Variants in DNAH2 observed in about 807,000 individuals in gnomAD.
DNAH2 encodes the protein dynein axonemal heavy chain 2.
In DNAH2, 323 loss-of-function variants were observed where a neutral mutation model predicts 523.5. That is an observed-to-expected ratio of 0.62 (90% confidence interval 0.56 to 0.68). The LOEUF is 0.68. Ranked by LOEUF, DNAH2 falls within the 30% of genes least tolerant of loss-of-function variation. DNAH2 has a pLI of 0.00. For synonymous variants in DNAH2, 2,093 were observed against 2,177.4 expected (o/e 0.96, Z 1.08); for missense variants, 4,907 against 5,701.5 (o/e 0.86, Z 4.49).
chr17:7,817,762 T>C (rs1158841540), intron 66 of DNAH2, 28 bp from the exon 67 acceptor site: 1 of 1,613,918 alleles, frequency 6.2e-7, no homozygotes, highest in East Asian at 2.2e-5. Flanking sequence ...AGAGAGGGCC[T>C]CACCTCTGAC....
chr17:7,769,638 CTT>C (rs2076262574), intron 24 of DNAH2, among the ~76,000 whole-genome samples: 1 of 152,152 alleles, frequency 6.6e-6, no homozygotes, highest in African/African-American at 2.4e-5. Flanking sequence ...AGGTTTAACT[CTT>C]TTAATTCATC....
rs1299212818 is a variant in DNAH2, at chr17:7,723,624, C to T, written c.167-4C>T. 1 of 1,613,636 alleles carries T rather than the reference C, an allele frequency of 6.2e-7. No homozygotes were observed. Reference sequence around the variant, plus strand: ...CTTCCTTTTTGTATGTTTATTCTTCCTAGAGCCACGGTTGGAGGGACCTCA... The same window carrying T: ...CTTCCTTTTTGTATGTTTATTCTTCTTAGAGCCACGGTTGGAGGGACCTCA... On this transcript the variant is annotated splice_region_variant and splice_polypyrimidine_tract_variant and intron_variant, in intron 2 of 85. Coordinates refer to ENST00000572933, the MANE Select transcript of DNAH2 (RefSeq NM_020877.5).
At position 7,792,316 on chromosome 17, in the gene DNAH2, T is replaced by A; in HGVS notation, c.7118T>A (p.Leu2373His). 1 of 1,614,004 alleles carries A rather than the reference T, an allele frequency of 6.2e-7. No homozygotes were observed. The highest frequency in any genetic ancestry group is 1.1e-5 in the South Asian group (1 of 91,072). Reference protein sequence around the residue: ...IRSWTSFEDKLPKSWRYPPNA... With the variant: ...IRSWTSFEDKHPKSWRYPPNA... ...AGTTGGACATCATTTGAGGACAAGC[T>A]CCCTAAGAGTTGGCGCTACCCTCCA... Residue 2373 changes from leucine (L) to histidine (H), a missense_variant, in exon 46 of 86, where the codon CTC becomes CAC. By Grantham distance (99) the Leu-to-His change is moderately conservative. Around this residue, in one of 3 missense-constraint regions of DNAH2, gnomAD observed 2,806 missense variants for 3,190.8 expected, o/e 0.88. Coordinates refer to ENST00000572933, the MANE Select transcript of DNAH2 (RefSeq NM_020877.5).
intron 6 of DNAH2, 41 bp downstream of exon 6, chr17:7,734,334 G>A (rs1262188710): frequency 8.7e-6 from 14 of 1,606,996 alleles, no homozygotes; most frequent in East Asian, 2.2e-5. Flanking sequence ...GCGATCACAG[G>A]GGAGAGGGAA....
rs770937448 is a variant in DNAH2, at chr17:7,737,170, T to C, written c.1082T>C (p.Leu361Pro). ...AAGCCCAAGGACATCTCTAGCAAGC[T>C]CCCTAAGCTGATCAGTCTCATCCGC... ...FMKPKDISSK[L>P]PKLISLIRII... Residue 361 changes from leucine (L) to proline (P), a missense_variant, in exon 8 of 86, where the codon CTC becomes CCC. By Grantham distance (98) the Leu-to-Pro change is moderately conservative. This residue lies in a region of DNAH2 where 2,806 missense variants were observed against 3,190.8 expected (regional missense o/e 0.88). Coordinates refer to ENST00000572933, the MANE Select transcript of DNAH2 (RefSeq NM_020877.5). The C allele has an allele frequency of 6.2e-7, 1 of 1,614,010 alleles. No individual in the cohort carries two copies. The highest frequency in any genetic ancestry group is 1.7e-5 in the Admixed American group (1 of 60,006).
In DNAH2 at chr17:7,831,683, A is replaced by G; in HGVS notation, c.12634A>G (p.Lys4212Glu). 1.2e-6 allele frequency: 2 copies of G among 1,614,162 alleles called. No homozygotes were observed. The highest frequency in any genetic ancestry group is 1.7e-6 in the Non-Finnish European group (2 of 1,180,014). Residue 4212 changes from lysine (K) to glutamate (E), a missense_variant, in exon 82 of 86, where the codon AAA (lysine) becomes GAA (glutamate). Lys to Glu is a moderately conservative substitution (Grantham distance 56). Transcript: ENST00000572933. The surrounding 1 kb of genome is among the most constrained non-coding windows in gnomAD (Gnocchi z 4.2). ...CAGGTTCTCACTGACAGACCTAGAG[A>G]AAGGCATCCAGGGTCTCATCGTCAT... The part of the protein sequence containing the change: ...TILFSLTDLE[K>E]GIQGLIVMST...
chr17:7,777,371 G>C, intron 32 of DNAH2, 75 bp from the exon 33 acceptor site: 1 of 1,545,784 alleles, frequency 6.5e-7, no homozygotes, highest in Non-Finnish European at 8.9e-7. Flanking sequence ...AAGCGGTGCT[G>C]GGTAGGGGCA....
intron 4 of DNAH2, among the ~76,000 whole-genome samples, chr17:7,730,850 C>T (rs563677943): frequency 1.4e-4 from 22 of 151,832 alleles, no homozygotes; most frequent in African/African-American, 4.8e-4. Context: ...CACGGTGGCT[C>T]ACGCCTGTAA....
chr17:7,818,135 A>G (rs2077736496), intron 68 of DNAH2, 39 bp downstream of exon 68: 1 of 1,607,446 alleles, frequency 6.2e-7, no homozygotes, highest in African/African-American at 1.3e-5. Flanking sequence ...GTGGGATGCT[A>G]GGGAGGGAAG....
Position 7,817,813 on chromosome 17 carries a change from A to G in DNAH2, c.10193A>G (p.Gln3398Arg). Residue 3398 changes from glutamine (Q) to arginine (R), a missense_variant, in exon 67 of 86, where the codon CAG becomes CGG. Gln to Arg is a conservative substitution (Grantham distance 43, BLOSUM62 1). Around this residue, in one of 3 missense-constraint regions of DNAH2, gnomAD observed 1,851 missense variants for 2,139.4 expected, o/e 0.87. Transcript: ENST00000572933. ...AGGTGGGCACTGATGATCGACCCTC[A>G]GGCCCAGGCCCTGAAATGGATTAAG... is the stretch of plus-strand genomic sequence containing the variant. ...GNRWALMIDP[Q>R]AQALKWIKNM... is the part of the protein sequence containing the mutation. The G allele has an allele frequency of 1.2e-6, 2 of 1,614,062 alleles. No homozygotes were observed. Among genetic ancestry groups the G allele is most frequent in the Non-Finnish European group, 1.7e-6 (2 of 1,179,996 alleles).
Position 7,734,454 on chromosome 17 carries a change from G to C in DNAH2, c.740-16G>C, listed in dbSNP as rs969045991. 6.2e-7 allele frequency: 1 copy of C among 1,612,068 alleles called. No homozygotes were observed. Among genetic ancestry groups the C allele is most frequent in the Non-Finnish European group, 8.5e-7 (1 of 1,178,476 alleles). On this transcript the variant is annotated splice_polypyrimidine_tract_variant and intron_variant, in intron 6 of 85. Transcript: ENST00000572933. ...AGTGTGAAGAAACGAAGGAGATTTTGTACTCTCCCCTGCAGCCTCCATGAT... is the reference window on the plus strand; with the variant it reads ...AGTGTGAAGAAACGAAGGAGATTTTCTACTCTCCCCTGCAGCCTCCATGAT...
intron 9 of DNAH2, 135 bp downstream of exon 9, chr17:7,740,073 G>GC (rs386385571): frequency 1.3e-5 from 8 of 616,518 alleles, no homozygotes; most frequent in Admixed American, 5.9e-5. Context: ...GCCCGGGGGG[G>GC]GGGACAGGAG....
At chr17:7,775,733 G>A (rs917345991) in intron 30 of DNAH2, among the ~76,000 whole-genome samples, 2 of 150,446 alleles carry the variant, frequency 1.3e-5, no homozygotes, top group African/African-American at 4.9e-5. Context: ...AAGTTCAACT[G>A]GCTCCATGAG....
At chr17:7,822,305 G>C (rs991860361) in intron 73 of DNAH2, among the ~76,000 whole-genome samples, 8 of 152,022 alleles carry the variant, frequency 5.3e-5, no homozygotes, top group Non-Finnish European at 8.8e-5. Flanking sequence ...CCATTGTGAC[G>C]GGCTCCCCAT....
Position 7,792,259 on chromosome 17 carries a change from T to C in DNAH2, c.7061T>C (p.Val2354Ala), listed in dbSNP as rs565474217. The change falls in exon 46 of 86, where the codon GTA (valine) becomes GCA (alanine). Residue 2354 changes from valine to alanine, a missense_variant. Val to Ala is a moderately conservative substitution (Grantham distance 64). Transcript: ENST00000572933. ...IEGSFPNKDT[V>A]YEYFVDPKIR... ...CCTACATGCCCTCCTTAGGACACGG[T>C]ATATGAGTATTTTGTGGACCCCAAA... 1.9e-5 allele frequency: 30 copies of C among 1,613,876 alleles called. No homozygotes were observed. In the Admixed American group the frequency reaches 4.7e-4, roughly 25 times the overall value.
chr17:7,726,999 C>T (rs1404678668), intron 3 of DNAH2, 123 bp from the exon 4 acceptor site: 5 of 1,083,378 alleles, frequency 4.6e-6, no homozygotes, highest in South Asian at 2.0e-5. Context: ...TTCAGTTTCT[C>T]CTAACCATTC....
chr17:7,766,114 A>T (rs1975797068), intron 21 of DNAH2, among the ~76,000 whole-genome samples: 1 of 151,916 alleles, frequency 6.6e-6, no homozygotes, highest in Non-Finnish European at 1.5e-5. Flanking sequence ...TCCATATTCC[A>T]TCTGTTCCTG....
At chr17:7,745,151 C>T (rs566948747) in intron 12 of DNAH2, among the ~76,000 whole-genome samples, 4 of 152,170 alleles carry the variant, frequency 2.6e-5, no homozygotes, top group Admixed American at 6.5e-5. Context: ...CCCGCCACCA[C>T]GCCCGGCTAA....
Position 7,817,750 on chromosome 17 carries a change from GGA to G in DNAH2, c.10170-34_10170-33del, listed in dbSNP as rs1477009858. 4 of 1,614,128 alleles carry G rather than the reference GGA, an allele frequency of 2.5e-6. No individual in the cohort carries two copies. In the South Asian group the frequency reaches 4.4e-5, roughly 18 times the overall value. On this transcript the variant is annotated intron_variant, in intron 66 of 85. Coordinates refer to ENST00000572933, the MANE Select transcript of DNAH2 (RefSeq NM_020877.5). ...GGCGTGGGGGCGGTACGGGAGCATG[GGA>G]GAGAGGGCCTCACCTCTGACCTGTA...
Sources: allele counts gnomAD v4.1 joint callset (sites outside exome capture counted in the v4.1 genomes callset), GRCh38; gene constraint gnomAD v4.1.1; regional missense constraint gnomAD v4.1.1; non-coding constraint Gnocchi (gnomAD v3.1); transcripts MANE v1.5; gene names NCBI Gene and HGNC (gene_info 2026-07-23, HGNC 2026-07-21).